REDIC1: variants seen among roughly 807,000 people sequenced by gnomAD.
The protein encoded by REDIC1 is HEI10 Interacting Protein 1.
the REDIC1 span, among the ~76,000 whole-genome samples, chr12:39,866,700 C>T: frequency 6.6e-6 from 1 of 152,122 alleles, no homozygotes; most frequent in South Asian, 2.1e-4. Context: ...AGGATGGTCT[C>T]GATCTCCTGA....
At chr12:39,823,443 T>C in the REDIC1 span, among the ~76,000 whole-genome samples, 2 of 152,188 alleles carry the variant, frequency 1.3e-5, no homozygotes, top group Admixed American at 6.6e-5. Context: ...TTTTCAAAAA[T>C]TTTAAAGAGG....
chr12:39,654,991 C>T, the REDIC1 span, among the ~76,000 whole-genome samples: 1 of 152,144 alleles, frequency 6.6e-6, no homozygotes, highest in Admixed American at 6.5e-5. Context: ...TTGTCCATTT[C>T]ATCTAAGTTG....
At chr12:39,793,175 C>G in the REDIC1 span, among the ~76,000 whole-genome samples, 1 of 152,036 alleles carries the variant, frequency 6.6e-6, no homozygotes, top group East Asian at 1.9e-4. Context: ...CACATTAAAA[C>G]CTACATACTA....
At chr12:39,744,117 T>A in the REDIC1 span, among the ~76,000 whole-genome samples, 4 of 152,086 alleles carry the variant, frequency 2.6e-5, no homozygotes, top group African/African-American at 9.7e-5. Flanking sequence ...AAAGCAGTTA[T>A]AAAGGAATAA....
At chr12:39,734,015 T>G in the REDIC1 span, among the ~76,000 whole-genome samples, 1 of 152,202 alleles carries the variant, frequency 6.6e-6, no homozygotes, top group East Asian at 1.9e-4. Flanking sequence ...GTTTTGTGCT[T>G]GAAACCCAGG....
chr12:39,702,943 A>T, the REDIC1 span, among the ~76,000 whole-genome samples: 1 of 152,198 alleles, frequency 6.6e-6, no homozygotes, highest in African/African-American at 2.4e-5. Context: ...TCAAAATAAT[A>T]AGAGCTATCT....
the REDIC1 span, among the ~76,000 whole-genome samples, chr12:39,856,845 T>C: frequency 2.0e-5 from 3 of 152,270 alleles, no homozygotes; most frequent in Non-Finnish European, 4.4e-5. Flanking sequence ...TTTCGTTTCA[T>C]ACAAACTTAA....
chr12:39,844,779 C>G, the REDIC1 span, among the ~76,000 whole-genome samples: 1 of 151,864 alleles, frequency 6.6e-6, no homozygotes, highest in Non-Finnish European at 1.5e-5. Flanking sequence ...CTTCCCTCAT[C>G]TGACAAATTA....
the REDIC1 span, among the ~76,000 whole-genome samples, chr12:39,662,592 T>G: frequency 6.6e-6 from 1 of 152,118 alleles, no homozygotes; most frequent in Non-Finnish European, 1.5e-5. Flanking sequence ...ACAATTTGAC[T>G]TTCCCTTTTC....
chr12:39,871,714 G>T, the REDIC1 span: 1 of 1,338,172 alleles, frequency 7.5e-7, no homozygotes, highest in Non-Finnish European at 1.0e-6. Flanking sequence ...ATTAGAAGTG[G>T]TGTAAGTATT....
At chr12:39,669,477 C>T in the REDIC1 span, among the ~76,000 whole-genome samples, 21 of 152,182 alleles carry the variant, frequency 1.4e-4, no homozygotes, top group Non-Finnish European at 2.6e-4. Context: ...GGGGGTGCAT[C>T]CCAGTTAGGC....
chr12:39,717,843 T>G, the REDIC1 span, among the ~76,000 whole-genome samples: 30 of 152,246 alleles, frequency 2.0e-4, no homozygotes, highest in Non-Finnish European at 4.0e-4. Flanking sequence ...GTCTTCTTGC[T>G]TGTTGTCTGT....
the REDIC1 span, among the ~76,000 whole-genome samples, chr12:39,719,716 T>A: frequency 6.6e-6 from 1 of 152,174 alleles, no homozygotes; most frequent in Admixed American, 6.6e-5. Context: ...TAACTCAAAT[T>A]GCATCACTAA....
At chr12:39,876,428 A>G in the REDIC1 span, among the ~76,000 whole-genome samples, 6 of 152,228 alleles carry the variant, frequency 3.9e-5, no homozygotes, top group Admixed American at 2.0e-4. Flanking sequence ...TGAAAAAGCT[A>G]TCTTTTTCAC....
the REDIC1 span, among the ~76,000 whole-genome samples, chr12:39,887,615 G>C: frequency 6.6e-6 from 1 of 152,218 alleles, no homozygotes; most frequent in Non-Finnish European, 1.5e-5. Context: ...CCAGAGGGTA[G>C]ACGTCCTTCT....
the REDIC1 span, among the ~76,000 whole-genome samples, chr12:39,766,790 T>C: frequency 1.3e-5 from 2 of 152,094 alleles, no homozygotes; most frequent in African/African-American, 4.8e-5. Flanking sequence ...TTGTTCCTCC[T>C]TAAGAAACAA....
At chr12:39,641,955 ATTTTATTACGTTG>A in the REDIC1 span, among the ~76,000 whole-genome samples, 10 of 151,692 alleles carry the variant, frequency 6.6e-5, no homozygotes, top group African/African-American at 1.7e-4. Flanking sequence ...AGTCCGATTT[ATTTTATTACGTTG>A]TCATCTCCTA....
At chr12:39,765,857 C>T in the REDIC1 span, among the ~76,000 whole-genome samples, 9 of 152,030 alleles carry the variant, frequency 5.9e-5, no homozygotes, top group Admixed American at 1.3e-4. Flanking sequence ...TGTGCATTAG[C>T]TATTTATCCT....
chr12:39,653,558 T>TTCTTTTTCTTCTTCTTCTTCTTTC, the REDIC1 span, among the ~76,000 whole-genome samples: 2 of 43,842 alleles, frequency 4.6e-5, no homozygotes, highest in African/African-American at 6.9e-5. Flanking sequence ...CTTCTTCTTC[T>TTCTTTTTCTTCTTCTTCTTCTTTC]TTCTTCTTCT....
Sources: gnomAD v4.1 joint callset for allele counts (sites outside exome capture counted in the v4.1 genomes callset) on GRCh38, gnomAD v4.1.1 for gene constraint, MANE v1.5 for transcripts, NCBI Gene and HGNC (gene_info 2026-07-23, HGNC 2026-07-21) for gene names.